Variants in SEZ6L observed in about 807,000 individuals in gnomAD.
SEZ6L encodes the protein seizure 6-like protein.
In SEZ6L, 37 loss-of-function variants were observed where a neutral mutation model predicts 106.2. That is an observed-to-expected ratio of 0.35 (90% CI 0.27 to 0.46). The LOEUF is 0.46. Ranked by LOEUF, SEZ6L falls within the 20% of genes least tolerant of loss-of-function variation. The pLI, the probability that SEZ6L is intolerant of heterozygous loss-of-function variation, is 1.00. For missense variants in SEZ6L, 1,172 were observed against 1,332.8 expected, an observed-to-expected ratio of 0.88 and a Z score of 1.88; for synonymous variants, 541 against 570.4, an observed-to-expected ratio of 0.95 and a Z score of 0.73.
chr22:26,231,868 G>A lies in SEZ6L; in HGVS notation c.95-60538G>A, dbSNP rs548873943. Among the ~76,000 whole-genome samples the A allele has an allele frequency of 9.8e-5, 15 of 152,316 alleles. No individual in the cohort carries two copies. In the South Asian group the frequency reaches 2.5e-3, roughly 25 times the overall value. Reference sequence around the variant, plus strand: ...AGTTTGGCCCTTAGCTGTCACCTGAGTGGAGGCCAACTGCAAGTGCCATGG... The same window carrying A: ...AGTTTGGCCCTTAGCTGTCACCTGAATGGAGGCCAACTGCAAGTGCCATGG... On this transcript the variant is annotated intron_variant, in intron 1 of 16. Transcript: ENST00000248933.
chr22:26,339,882 C>G (rs2082769584), intron 9 of SEZ6L, among the ~76,000 whole-genome samples: 1 of 152,192 alleles, frequency 6.6e-6, no homozygotes, highest in Admixed American at 6.5e-5. Flanking sequence ...TACAATGCAG[C>G]ATTTGACTTT....
intron 12 of SEZ6L, 128 bp downstream of exon 12, chr22:26,351,371 A>G (rs2083272947): frequency 5.5e-6 from 4 of 726,604 alleles, no homozygotes; most frequent in East Asian, 5.3e-5. Flanking sequence ...TATCATTACT[A>G]TGACAAAACA....
chr22:26,314,656 C>T (rs1434039543), intron 9 of SEZ6L, among the ~76,000 whole-genome samples: 1 of 152,222 alleles, frequency 6.6e-6, no homozygotes, highest in East Asian at 1.9e-4. Context: ...TTCCTGTATT[C>T]ACAGGGGGTA....
intron 1 of SEZ6L, among the ~76,000 whole-genome samples, chr22:26,195,008 A>G (rs1940485386): frequency 6.6e-6 from 1 of 152,206 alleles, no homozygotes; most frequent in African/African-American, 2.4e-5. Flanking sequence ...GCTGGACAGG[A>G]CATAAAGAAA....
chr22:26,248,018 C>T (rs2079422281), intron 1 of SEZ6L, among the ~76,000 whole-genome samples: 1 of 152,204 alleles, frequency 6.6e-6, no homozygotes, highest in Non-Finnish European at 1.5e-5. Context: ...ACTGAGAGTT[C>T]TGTCTGTGTC....
intron 1 of SEZ6L, among the ~76,000 whole-genome samples, chr22:26,241,065 A>G (rs1344691737): frequency 6.6e-6 from 1 of 152,192 alleles, no homozygotes; most frequent in Non-Finnish European, 1.5e-5. Context: ...AGGCAGGGGA[A>G]CGGCCCTGTT....
chr22:26,210,283 A>T (rs548066098), intron 1 of SEZ6L, among the ~76,000 whole-genome samples: 1 of 151,982 alleles, frequency 6.6e-6, no homozygotes, highest in Non-Finnish European at 1.5e-5. Flanking sequence ...GCAAAAGAAA[A>T]CTTTTCGGTG....
At chr22:26,331,551 C>A (rs1217982743) in intron 9 of SEZ6L, among the ~76,000 whole-genome samples, 3 of 152,086 alleles carry the variant, frequency 2.0e-5, no homozygotes, top group African/African-American at 7.2e-5. Flanking sequence ...AAAATTAAGC[C>A]ACCCAGACTA....
chr22:26,311,932 T>C lies in SEZ6L; in HGVS notation c.1846T>C (p.Tyr616His), dbSNP rs1270992700. The C allele has an allele frequency of 1.9e-6, 3 of 1,613,984 alleles. No individual in the cohort carries two copies. Among genetic ancestry groups the C allele is most frequent in the South Asian group, 1.1e-5 (1 of 91,076 alleles). ...CGAATGCATCAATGTGCGGGACCCATACTGGAATGACACAGAGCCCCTGTG... is the reference window on the plus strand; with the variant it reads ...CGAATGCATCAATGTGCGGGACCCACACTGGAATGACACAGAGCCCCTGTG... ...IIECINVRDP[Y>H]WNDTEPLCRA... The change falls in exon 8 of 17, where the codon TAC (tyrosine) becomes CAC (histidine). Residue 616 changes from tyrosine to histidine, a missense_variant. Physicochemically the swap from Tyr to His is moderately conservative, Grantham distance 83. Transcript: ENST00000248933.
chr22:26,238,614 T>C (rs1373377793), intron 1 of SEZ6L, among the ~76,000 whole-genome samples: 1 of 152,160 alleles, frequency 6.6e-6, no homozygotes, highest in Non-Finnish European at 1.5e-5. Flanking sequence ...ATAGCAAAAA[T>C]AGTAATACCT....
chr22:26,304,621 A>G (rs557231441), intron 5 of SEZ6L, among the ~76,000 whole-genome samples: 1 of 152,324 alleles, frequency 6.6e-6, no homozygotes, highest in Non-Finnish European at 1.5e-5. Flanking sequence ...GATAAAAGTA[A>G]TAGATGATTC....
Position 26,340,535 on chromosome 22 carries a change from A to G in SEZ6L, c.2115A>G (p.Lys705=), listed in dbSNP as rs576286908. 1.1e-5 allele frequency: 17 copies of G among 1,614,078 alleles called. No individual in the cohort carries two copies. The South Asian group carries it at 1.8e-4, about 17-fold the overall frequency. The change falls in exon 10 of 17, where the codon AAA becomes AAG. Residue 705 remains lysine (K), a synonymous_variant. Transcript: ENST00000248933. ...ACCTTGGGAACAGTGGCCCCCAGAAACTGTACTCCTCCACGCCAGACTTAA... is the reference window on the plus strand; with the variant it reads ...ACCTTGGGAACAGTGGCCCCCAGAAGCTGTACTCCTCCACGCCAGACTTAA... ...GQYLGNSGPQ[K]LYSSTPDLTI...
At chr22:26,377,574 T>G in intron 15 of SEZ6L, 99 bp from the exon 16 acceptor site, 1 of 926,670 alleles carries the variant, frequency 1.1e-6, no homozygotes, top group East Asian at 2.5e-5. Context: ...TTCACAGAGG[T>G]GCCGCTGCTC....
intron 8 of SEZ6L, among the ~76,000 whole-genome samples, 160 bp from the exon 9 acceptor site, chr22:26,313,598 ACACACG>A (rs879152248): frequency 0.32 from 28,587 of 89,546 alleles, 3,332 homozygotes; most frequent in South Asian, 0.53. Context: ...ACACACACAC[ACACACG>A]CACACACACA....
At chr22:26,239,203 G>T (rs923973558) in intron 1 of SEZ6L, among the ~76,000 whole-genome samples, 1 of 152,124 alleles carries the variant, frequency 6.6e-6, no homozygotes. Context: ...CAGCCTGGGC[G>T]GCAATGTGAA....
At chr22:26,228,553 C>T (rs1291735393) in intron 1 of SEZ6L, among the ~76,000 whole-genome samples, 1 of 152,218 alleles carries the variant, frequency 6.6e-6, no homozygotes, top group Non-Finnish European at 1.5e-5. Context: ...TCTATGCCTC[C>T]TCATGCTTCC....
chr22:26,340,718 G>A (rs962510598), intron 10 of SEZ6L, 86 bp downstream of exon 10: 1 of 1,077,694 alleles, frequency 9.3e-7, no homozygotes, highest in Non-Finnish European at 1.3e-6. Context: ...TGGCAGTTTT[G>A]TACTACAGCG....
chr22:26,227,583 A>ATTTTAT (rs527988615), intron 1 of SEZ6L, among the ~76,000 whole-genome samples: 8 of 140,010 alleles, frequency 5.7e-5, no homozygotes, highest in African/African-American at 1.3e-4. Flanking sequence ...CTAATTTTTA[A>ATTTTAT]TTTTTTTTTT....
intron 9 of SEZ6L, among the ~76,000 whole-genome samples, chr22:26,334,276 C>T (rs62225716): frequency 0.081 from 12,296 of 152,086 alleles, 756 homozygotes; most frequent in Admixed American, 0.22. Flanking sequence ...GCAATTGTTC[C>T]GCATTCTTCT....
Sources: allele counts gnomAD v4.1 joint callset (sites outside exome capture counted in the v4.1 genomes callset), GRCh38; gene constraint gnomAD v4.1.1; transcripts MANE v1.5; gene names NCBI Gene and HGNC (gene_info 2026-07-23, HGNC 2026-07-21).